HDDC2: variants seen among roughly 807,000 people sequenced by gnomAD.
HDDC2 encodes HD domain containing 2.
Under a neutral mutation model 25.5 loss-of-function variants are expected in HDDC2, and 25 were observed. The ratio of observed to expected loss-of-function variants is 0.98; its 90% CI spans 0.72 to 1.37. The LOEUF (loss-of-function observed/expected upper bound fraction) is 1.37, where lower values mean the gene tolerates loss of function less well. Ranked by LOEUF, HDDC2 falls within the 40% of genes most tolerant of loss-of-function variation. HDDC2 has a pLI of 0.00. For missense variants in HDDC2, 264 were observed against 253.1 expected, an observed-to-expected ratio of 1.04 and a Z score of -0.29; for synonymous variants, 106 against 89.7, an observed-to-expected ratio of 1.18 and a Z score of -1.03.
chr6:125,295,526 C>T (rs2115115858), intron 3 of HDDC2, among the ~76,000 whole-genome samples: 1 of 152,152 alleles, frequency 6.6e-6, no homozygotes. Context: ...AATATTGGTA[C>T]CTACCTAAAG....
intron 4 of HDDC2, among the ~76,000 whole-genome samples, chr6:125,291,573 A>G (rs1229107969): frequency 6.6e-6 from 1 of 152,150 alleles, no homozygotes; most frequent in Non-Finnish European, 1.5e-5. Flanking sequence ...TTTGCTGCCT[A>G]ATGAGTTCAG....
At chr6:125,277,073 G>C in intron 5 of HDDC2, 29 bp downstream of exon 5, 1 of 1,612,362 alleles carries the variant, frequency 6.2e-7, no homozygotes, top group Non-Finnish European at 8.5e-7. Flanking sequence ...AAACTAAAAT[G>C]GACTCTTGTT....
chr6:125,277,189 G>T lies in HDDC2; in HGVS notation c.430C>A (p.Gln144Lys), dbSNP rs979315084. Residue 144 changes from glutamine (Q) to lysine (K), a missense_variant, in exon 5 of 6, where the codon CAA becomes AAA. By Grantham distance (53) the Gln-to-Lys change is moderately conservative (BLOSUM62 1). Transcript: ENST00000398153. The stretch of plus-strand genomic sequence containing the variant: ...GATGCTTGAAGAATCATTTCACATT[G>T]GTCTAGCTGCTTCACAAATTTGGCT... ...AEAKFVKQLD[Q>K]CEMILQASEY... The T allele has an allele frequency of 1.9e-6, 3 of 1,613,762 alleles. No homozygotes were observed. In the African/African-American group the frequency reaches 4.0e-5, roughly 22 times the overall value.
At chr6:125,296,321 T>C (rs1025102250) in intron 3 of HDDC2, among the ~76,000 whole-genome samples, 6 of 152,090 alleles carry the variant, frequency 3.9e-5, no homozygotes, top group African/African-American at 1.2e-4. Context: ...CTGGAACCAA[T>C]ACCCCATAGA....
At chr6:125,300,798 C>T in intron 1 of HDDC2, 139 bp from the exon 2 acceptor site, 3 of 792,272 alleles carry the variant, frequency 3.8e-6, no homozygotes, top group Non-Finnish European at 5.8e-6. Context: ...TTTTGCTAAA[C>T]TAGCTAAAAT....
At chr6:125,293,547 G>A (rs576020391) in intron 3 of HDDC2, among the ~76,000 whole-genome samples, 1 of 152,218 alleles carries the variant, frequency 6.6e-6, no homozygotes, top group African/African-American at 2.4e-5. Context: ...ATAGCATCAT[G>A]GAACAGTTCT....
intron 4 of HDDC2, among the ~76,000 whole-genome samples, chr6:125,292,357 G>T (rs1403616292): frequency 3.3e-5 from 5 of 152,106 alleles, no homozygotes; most frequent in Admixed American, 2.0e-4. Context: ...TGGGAAGGGA[G>T]TGAGCACTGG....
At position 125,277,087 on chromosome 6, in the gene HDDC2, A is replaced by C. The variant is rs1798380922; in HGVS notation, c.517+15T>G. On this transcript the variant is annotated intron_variant, in intron 5 of 5. Transcript: ENST00000398153. Reference sequence around the variant, plus strand: ...CAAACTAAAATGGACTCTTGTTGAAAATGGTGTTGAGTACCTGCTGTGGAA... The same window carrying C: ...CAAACTAAAATGGACTCTTGTTGAACATGGTGTTGAGTACCTGCTGTGGAA... The C allele has an allele frequency of 6.2e-7, 1 of 1,613,328 alleles. No homozygotes were observed. Among genetic ancestry groups the C allele is most frequent in the South Asian group, 1.1e-5 (1 of 90,952 alleles).
chr6:125,295,460 G>A (rs1798694389), intron 3 of HDDC2, among the ~76,000 whole-genome samples: 1 of 152,140 alleles, frequency 6.6e-6, no homozygotes, highest in African/African-American at 2.4e-5. Flanking sequence ...GTGGAACCCT[G>A]AGCAAGTCAT....
chr6:125,299,228 C>A (rs1197834676), intron 2 of HDDC2, among the ~76,000 whole-genome samples: 1 of 152,066 alleles, frequency 6.6e-6, no homozygotes, highest in Non-Finnish European at 1.5e-5. Context: ...ACTAAAAATA[C>A]AAAAATTAGC....
intron 3 of HDDC2, among the ~76,000 whole-genome samples, chr6:125,298,007 T>C (rs1798730273): frequency 6.6e-6 from 1 of 152,222 alleles, no homozygotes; most frequent in South Asian, 2.1e-4. Flanking sequence ...CGATTTGTGA[T>C]TTATAGAACT....
intron 1 of HDDC2, among the ~76,000 whole-genome samples, chr6:125,301,482 G>GCACACACACGCGCACACACACACACACA (rs1412473241): frequency 8.3e-6 from 1 of 120,344 alleles, no homozygotes; most frequent in African/African-American, 3.4e-5. Flanking sequence ...GGGGTCGTGA[G>GCACACACACGCGCACACACACACACACA]CACACACACA....
At chr6:125,286,920 T>C (rs191103379) in intron 4 of HDDC2, among the ~76,000 whole-genome samples, 9 of 152,324 alleles carry the variant, frequency 5.9e-5, no homozygotes, top group African/African-American at 2.2e-4. Context: ...TATTAAGGGA[T>C]ATAAGCGTGA....
At chr6:125,292,473 G>A (rs539475078) in intron 4 of HDDC2, among the ~76,000 whole-genome samples, 2 of 152,238 alleles carry the variant, frequency 1.3e-5, no homozygotes, top group East Asian at 1.9e-4. Flanking sequence ...CTCAGTGAGG[G>A]AAACGTGCCG....
At position 125,301,808 on chromosome 6, in the gene HDDC2, C is replaced by T. The variant is rs1218178670; in HGVS notation, c.84+41G>A. The T allele has an allele frequency of 2.0e-6, 3 of 1,472,602 alleles. No homozygotes were observed. The South Asian group carries it at 3.6e-5, about 18-fold the overall frequency. 91.2% of individuals were successfully genotyped at this position (1,472,602 alleles called of 1,614,324 possible). A position where few individuals can be genotyped will look rare whatever the true frequency, so the allele number is the denominator to read the frequency against. On this transcript the variant is annotated intron_variant, in intron 1 of 5. Coordinates refer to ENST00000398153, the MANE Select transcript of HDDC2 (RefSeq NM_016063.3). Reference sequence around the variant, plus strand: ...CGGAAGCTCCGCCGCCCCACAGTCCCGCCCGCTCGGCCGCGGCCTCCCGGC... The same window carrying T: ...CGGAAGCTCCGCCGCCCCACAGTCCTGCCCGCTCGGCCGCGGCCTCCCGGC...
rs772537178 is a variant in HDDC2, at chr6:125,277,122, TC to T, written c.496del (p.Asp166ThrfsTer15). On this transcript the variant is annotated frameshift_variant, in exon 5 of 6. Coordinates refer to ENST00000398153, the MANE Select transcript of HDDC2 (RefSeq NM_016063.3). LOFTEE classifies it high-confidence loss of function. ...DLEHKPGRLQ[D>X]FYDSTAGKFN... Reference sequence around the variant, plus strand: ...AGTACCTGCTGTGGAATCATAGAAGTCTTGCAGTCTCCCAGGTTTGTGTTCA... The same window carrying T: ...AGTACCTGCTGTGGAATCATAGAAGTTTGCAGTCTCCCAGGTTTGTGTTCA... The T allele has an allele frequency of 3.7e-6, 6 of 1,614,098 alleles. No individual in the cohort carries two copies. The highest frequency in any genetic ancestry group is 5.1e-6 in the Non-Finnish European group (6 of 1,179,988).
At chr6:125,299,858 G>A (rs1308902703) in intron 2 of HDDC2, among the ~76,000 whole-genome samples, 1 of 152,102 alleles carries the variant, frequency 6.6e-6, no homozygotes, top group Admixed American at 6.5e-5. Context: ...CCTTCTCTCT[G>A]CATGCAGTGA....
At chr6:125,289,950 A>G (rs1423013213) in intron 4 of HDDC2, among the ~76,000 whole-genome samples, 3 of 152,232 alleles carry the variant, frequency 2.0e-5, no homozygotes, top group African/African-American at 7.2e-5. Flanking sequence ...TAAAATAAAA[A>G]TGTTTTTTCT....
At chr6:125,279,982 G>C (rs2115101404) in intron 4 of HDDC2, among the ~76,000 whole-genome samples, 1 of 152,350 alleles carries the variant, frequency 6.6e-6, no homozygotes. Context: ...CTGGTCTGCA[G>C]CTCCCAGCAA....
Sources: gnomAD v4.1 joint callset for allele counts (sites outside exome capture counted in the v4.1 genomes callset) on GRCh38, gnomAD v4.1.1 for gene constraint, MANE v1.5 for transcripts, NCBI Gene and HGNC (gene_info 2026-07-23, HGNC 2026-07-21) for gene names.